The following GADD45GIP1 variants were observed in gnomAD, a reference collection of about 807,000 sequenced individuals.
The protein encoded by GADD45GIP1 is large ribosomal subunit protein mL64.
GADD45GIP1 carries 17 observed loss-of-function variants against 22.1 expected under a neutral mutation model. The ratio of observed to expected loss-of-function variants is 0.77; its 90% CI spans 0.53 to 1.15. GADD45GIP1 has a LOEUF of 1.15. GADD45GIP1 is among the 50% of genes most tolerant of loss of function. The pLI, the probability that GADD45GIP1 is intolerant of heterozygous loss-of-function variation, is 0.00. For missense variants in GADD45GIP1, 294 were observed against 314.0 expected (o/e 0.94, Z 0.48); for synonymous variants, 135 against 138.4 (o/e 0.98, Z 0.17).
chr19:12,955,219 G>T (rs1971909202), intron 1 of GADD45GIP1, among the ~76,000 whole-genome samples: 1 of 152,154 alleles, frequency 6.6e-6, no homozygotes, highest in Non-Finnish European at 1.5e-5. Flanking sequence ...TCCTGTGTTA[G>T]TTTGCTAGGG....
In GADD45GIP1 at chr19:12,953,754, C is replaced by A. The variant is rs982716604; in HGVS notation, c.*454G>T. 1 of 162,326 alleles carries A rather than the reference C, an allele frequency of 6.2e-6. No individual in the cohort carries two copies. Among genetic ancestry groups the A allele is most frequent in the African/African-American group, 2.4e-5 (1 of 41,580 alleles). 10.1% of individuals were successfully genotyped at this position (162,326 alleles called of 1,614,324 possible). A position where few individuals can be genotyped will look rare whatever the true frequency, so the allele number is the denominator to read the frequency against. On this transcript the variant is annotated 3_prime_UTR_variant, in exon 2 of 2. Coordinates refer to ENST00000316939, the MANE Select transcript of GADD45GIP1 (RefSeq NM_052850.4). ...GGGTGCCTGGAAGGGGGAGAGGAGT[C>A]TGTGAGTCCCTGCAGATTGAGGCTT... is the stretch of plus-strand genomic sequence containing the variant.
intron 1 of GADD45GIP1, 145 bp downstream of exon 1, chr19:12,956,718 G>A (rs1971928274): frequency 1.5e-6 from 1 of 665,176 alleles, no homozygotes; most frequent in Admixed American, 3.0e-5. Context: ...GTTATTCTGA[G>A]TTTGTTTTGC....
chr19:12,957,037 T>G lies in GADD45GIP1; in HGVS notation c.176A>C (p.Lys59Thr). Reference protein sequence around the residue: ...RWQLGPRYAAKQFARYGAASG... With the variant: ...RWQLGPRYAATQFARYGAASG... ...GGCGGCGCCGTAACGCGCGAACTGC[T>G]TAGCCGCGTAGCGCGGTCCCAGCTG... The change falls in exon 1 of 2, where the codon AAG becomes ACG. Residue 59 changes from lysine to threonine, a missense_variant. Physicochemically the swap from Lys to Thr is moderately conservative, Grantham distance 78 (BLOSUM62 -1). Transcript: ENST00000316939. 6.3e-7 allele frequency: 1 copy of G among 1,592,202 alleles called. No individual in the cohort carries two copies. The highest frequency in any genetic ancestry group is 8.5e-7 in the Non-Finnish European group (1 of 1,176,764).
rs971153618 is a variant in GADD45GIP1, at chr19:12,953,170, TAAAA to T, written c.*1034_*1037del. 6.9e-6 allele frequency: 5 copies of T among 725,326 alleles called. No homozygotes were observed. The highest frequency in any genetic ancestry group is 1.9e-5 in the African/African-American group (1 of 53,776). The allele number at this position is 725,326 out of a possible 1,614,324, so 44.9% of individuals were successfully genotyped here. ...AAATGGAAAAAAAAATCAAAAATCTTAAAAAAACAAGCAAACAGTCCAGCTTCCT... is the reference window on the plus strand; with the variant it reads ...AAATGGAAAAAAAAATCAAAAATCTTAAACAAGCAAACAGTCCAGCTTCCT... On this transcript the variant is annotated 3_prime_UTR_variant, in exon 2 of 2. Coordinates refer to ENST00000316939, the MANE Select transcript of GADD45GIP1 (RefSeq NM_052850.4).
rs1256725326 is a variant in GADD45GIP1 at position 12,953,783 on chromosome 19, G to C, written c.*425C>G. The C allele has an allele frequency of 3.0e-5, 5 of 168,232 alleles. No individual in the cohort carries two copies. Among genetic ancestry groups the C allele is most frequent in the African/African-American group, 1.2e-4 (5 of 41,718 alleles). The allele number at this position is 168,232 out of a possible 1,614,324, so 10.4% of individuals were successfully genotyped here. A position where few individuals can be genotyped will look rare whatever the true frequency, so the allele number is the denominator to read the frequency against. ...GAGTCCCTGCAGATTGAGGCTTCCG[G>C]TGTCTCCTCCCCCAGTGTGTCATTT... On this transcript the variant is annotated 3_prime_UTR_variant, in exon 2 of 2. Transcript: ENST00000316939.
chr19:12,956,970 C>T lies in GADD45GIP1; in HGVS notation c.243G>A (p.Gln81=). 6.3e-7 allele frequency: 1 copy of T among 1,599,138 alleles called. No homozygotes were observed. Among genetic ancestry groups the T allele is most frequent in the Non-Finnish European group, 8.5e-7 (1 of 1,179,694 alleles). Residue 81 remains glutamine, a synonymous_variant, in exon 1 of 2, where the codon CAG becomes CAA. Transcript: ENST00000316939. ...VPGSLWPSPE[Q]LRELEAEERE... is the part of the protein sequence containing the mutation. Reference sequence around the variant, plus strand: ...GTTCTTCGGCCTCCAGCTCCCGCAGCTGCTCCGGCGACGGCCATAACGAAC... The same window carrying T: ...GTTCTTCGGCCTCCAGCTCCCGCAGTTGCTCCGGCGACGGCCATAACGAAC...
rs563585853 is a variant in GADD45GIP1 at position 12,957,015 on chromosome 19, G to A, written c.198C>T (p.Ala66=). ...ACGAACCGGGGACCACCCCGGAGGC[G>A]GCGCCGTAACGCGCGAACTGCTTAG... ...YAAKQFARYG[A]ASGVVPGSLW... The change falls in exon 1 of 2, where the codon GCC becomes GCT. Residue 66 remains alanine, a synonymous_variant. Transcript: ENST00000316939. 18 of 1,597,708 alleles carry A rather than the reference G, an allele frequency of 1.1e-5. No individual in the cohort carries two copies. In the African/African-American group the frequency reaches 2.1e-4, roughly 19 times the overall value.
Position 12,956,867 on chromosome 19 carries a change from C to T in GADD45GIP1, c.346G>A (p.Glu116Lys), listed in dbSNP as rs1599674414. Residue 116 changes from glutamate (E) to lysine (K), a missense_variant, in exon 1 of 2, where the codon GAG (glutamate) becomes AAG (lysine). Coordinates refer to ENST00000316939, the MANE Select transcript of GADD45GIP1 (RefSeq NM_052850.4). The stretch of plus-strand genomic sequence containing the variant: ...CGTCTGCCTGCACGCACGCACCTCT[C>T]CCGACGCTTCTGCTCTTCGGCCAGC... ...KQLAEEQKRR[E>K]REQHIAECMA... The T allele has an allele frequency of 6.3e-7, 1 of 1,597,870 alleles. No individual in the cohort carries two copies. The highest frequency in any genetic ancestry group is 8.5e-7 in the Non-Finnish European group (1 of 1,179,174).
At position 12,953,419 on chromosome 19, in the gene GADD45GIP1, A is replaced by G. The variant is rs1055765535; in HGVS notation, c.*789T>C. On this transcript the variant is annotated 3_prime_UTR_variant, in exon 2 of 2. Transcript: ENST00000316939. ...TGAGGACCCCCCCCCATCCTCTTCT[A>G]GGATGAGGGGAAGCTGGAGCCCCAA... is the stretch of plus-strand genomic sequence containing the variant. 6.3e-6 allele frequency: 1 copy of G among 159,626 alleles called. No homozygotes were observed. Among genetic ancestry groups the G allele is most frequent in the Admixed American group, 6.5e-5 (1 of 15,480 alleles). The allele number at this position is 159,626 out of a possible 1,614,324, so 9.9% of individuals were successfully genotyped here.
rs1971898811 is a variant in GADD45GIP1 at position 12,954,473 on chromosome 19, C to G, written c.404G>C (p.Trp135Ser). The G allele has an allele frequency of 6.2e-7, 1 of 1,614,026 alleles. No homozygotes were observed. The highest frequency in any genetic ancestry group is 1.3e-5 in the African/African-American group (1 of 74,936). Residue 135 changes from tryptophan to serine, a missense_variant, in exon 2 of 2, where the codon TGG (tryptophan) becomes TCG (serine). Transcript: ENST00000316939. Reference protein sequence around the residue: ...MAKMPQMIVNWQQQQRENWEK... With the variant: ...MAKMPQMIVNSQQQQRENWEK... ...CCAGTTCTCCCGCTGCTGCTGCTGC[C>G]AGTTCACAATCATCTGTGGCATCTT... is the stretch of plus-strand genomic sequence containing the variant.
In GADD45GIP1 at chr19:12,954,014, C is replaced by T; in HGVS notation, c.*194G>A. 1.7e-6 allele frequency: 1 copy of T among 585,562 alleles called. No individual in the cohort carries two copies. Among genetic ancestry groups the T allele is most frequent in the Non-Finnish European group, 3.0e-6 (1 of 330,028 alleles). 36.3% of individuals were successfully genotyped at this position (585,562 alleles called of 1,614,324 possible). A position where few individuals can be genotyped will look rare whatever the true frequency, so the allele number is the denominator to read the frequency against. ...TTGCCCATTGTACACCCCCCTTTTCCTCCCACTGAAGCCCCAGTTAGTCAG... is the reference window on the plus strand; with the variant it reads ...TTGCCCATTGTACACCCCCCTTTTCTTCCCACTGAAGCCCCAGTTAGTCAG... On this transcript the variant is annotated 3_prime_UTR_variant, in exon 2 of 2. Transcript: ENST00000316939.
chr19:12,954,232 T>C lies in GADD45GIP1; in HGVS notation c.645A>G (p.Ala215=). 6.2e-7 allele frequency: 1 copy of C among 1,613,886 alleles called. No homozygotes were observed. The highest frequency in any genetic ancestry group is 8.5e-7 in the Non-Finnish European group (1 of 1,179,932). The part of the protein sequence containing the change: ...ALAAAVAQDP[A]ASGAPSS ...CTCAGGAGCTGGGTGCCCCAGAGGCTGCTGGGTCTTGAGCCACAGCTGCAG... is the reference window on the plus strand; with the variant it reads ...CTCAGGAGCTGGGTGCCCCAGAGGCCGCTGGGTCTTGAGCCACAGCTGCAG... Residue 215 remains alanine, a synonymous_variant, in exon 2 of 2, where the codon GCA becomes GCG. Coordinates refer to ENST00000316939, the MANE Select transcript of GADD45GIP1 (RefSeq NM_052850.4).
Position 12,953,186 on chromosome 19 carries a change from C to T in GADD45GIP1, c.*1022G>A, listed in dbSNP as rs935530546. The T allele has an allele frequency of 4.7e-6, 3 of 640,224 alleles. No individual in the cohort carries two copies. Among genetic ancestry groups the T allele is most frequent in the Non-Finnish European group, 5.0e-6 (2 of 398,782 alleles). 39.7% of individuals were successfully genotyped at this position (640,224 alleles called of 1,614,324 possible). On this transcript the variant is annotated 3_prime_UTR_variant, in exon 2 of 2. Transcript: ENST00000316939. ...CAAAAATCTTAAAAAAACAAGCAAACAGTCCAGCTTCCTGTCCTCCTAAAG... is the reference window on the plus strand; with the variant it reads ...CAAAAATCTTAAAAAAACAAGCAAATAGTCCAGCTTCCTGTCCTCCTAAAG...
rs201807739 is a variant in GADD45GIP1, at chr19:12,954,350, T to C, written c.527A>G (p.Gln176Arg). 82 of 1,614,012 alleles carry C rather than the reference T, an allele frequency of 5.1e-5. No homozygotes were observed. Among genetic ancestry groups the C allele is most frequent in the Non-Finnish European group, 6.9e-5 (82 of 1,179,992 alleles). The change falls in exon 2 of 2, where the codon CAG becomes CGG. Residue 176 changes from glutamine to arginine, a missense_variant. Physicochemically the swap from Gln to Arg is conservative, Grantham distance 43. Coordinates refer to ENST00000316939, the MANE Select transcript of GADD45GIP1 (RefSeq NM_052850.4). ...CTTCTCTAGGTCCTGGAGCAGCTCC[T>C]GGAAGCGGGCACTCCTTGGGTCCAC... ...YQVDPRSARF[Q>R]ELLQDLEKKE...
At chr19:12,956,006 A>G (rs1268232127) in intron 1 of GADD45GIP1, among the ~76,000 whole-genome samples, 1 of 152,120 alleles carries the variant, frequency 6.6e-6, no homozygotes, top group Non-Finnish European at 1.5e-5. Flanking sequence ...TCTTTAAGGC[A>G]TATCGTATCT....
intron 1 of GADD45GIP1, among the ~76,000 whole-genome samples, chr19:12,955,570 C>T (rs923584268): frequency 6.6e-5 from 10 of 152,128 alleles, no homozygotes; most frequent in Non-Finnish European, 1.0e-4. Context: ...AAGAGATGCC[C>T]CTGGTCTGGC....
At chr19:12,955,601 T>C (rs900596714) in intron 1 of GADD45GIP1, among the ~76,000 whole-genome samples, 1 of 151,738 alleles carries the variant, frequency 6.6e-6, no homozygotes, top group Non-Finnish European at 1.5e-5. Flanking sequence ...GGCTCACGCC[T>C]GTAATCCTAG....
At position 12,953,179 on chromosome 19, in the gene GADD45GIP1, A is replaced by T. The variant is rs2146046875; in HGVS notation, c.*1029T>A. The T allele has an allele frequency of 1.5e-6, 1 of 671,708 alleles. No individual in the cohort carries two copies. The highest frequency in any genetic ancestry group is 2.7e-5 in the South Asian group (1 of 36,810). The allele number at this position is 671,708 out of a possible 1,614,324, so 41.6% of individuals were successfully genotyped here. On this transcript the variant is annotated 3_prime_UTR_variant, in exon 2 of 2. Transcript: ENST00000316939. ...AAAAAATCAAAAATCTTAAAAAAAC[A>T]AGCAAACAGTCCAGCTTCCTGTCCT...
rs1247457782 is a variant in GADD45GIP1, at chr19:12,953,719, G to C, written c.*489C>G. 1 of 158,758 alleles carries C rather than the reference G, an allele frequency of 6.3e-6. No individual in the cohort carries two copies. The highest frequency in any genetic ancestry group is 1.4e-5 in the Non-Finnish European group (1 of 72,134). 9.8% of individuals were successfully genotyped at this position (158,758 alleles called of 1,614,324 possible). ...TGGGGGGCTGGCTGGGCACAGGCAGGCATGGTGACGGGTGCCTGGAAGGGG... is the reference window on the plus strand; with the variant it reads ...TGGGGGGCTGGCTGGGCACAGGCAGCCATGGTGACGGGTGCCTGGAAGGGG... On this transcript the variant is annotated 3_prime_UTR_variant, in exon 2 of 2. Transcript: ENST00000316939.
Sources: gnomAD v4.1 joint callset for allele counts (sites outside exome capture counted in the v4.1 genomes callset) on GRCh38, gnomAD v4.1.1 for gene constraint, MANE v1.5 for transcripts, NCBI Gene and HGNC (gene_info 2026-07-23, HGNC 2026-07-21) for gene names.